The following PPME1 variants were observed in gnomAD, a reference collection of about 807,000 sequenced individuals.
PPME1 encodes the protein protein phosphatase methylesterase 1, also known as testicular secretory protein Li 39.
In PPME1, 17 loss-of-function variants were observed where a neutral mutation model predicts 56.9. That is an observed-to-expected ratio of 0.30 (90% CI 0.20 to 0.45). PPME1 has a LOEUF of 0.45. Ranked by LOEUF, PPME1 falls within the 20% of genes least tolerant of loss-of-function variation. The pLI, the probability that PPME1 is intolerant of heterozygous loss-of-function variation, is 1.00. For missense variants in PPME1, 357 were observed against 483.2 expected (o/e 0.74, Z 2.45); for synonymous variants, 122 against 156.2 (o/e 0.78, Z 1.63).
intron 1 of PPME1, among the ~76,000 whole-genome samples, chr11:74,192,193 A>G (rs1387987800): frequency 6.6e-6 from 1 of 152,064 alleles, no homozygotes; most frequent in Non-Finnish European, 1.5e-5. Flanking sequence ...GTCAAAAGAG[A>G]TTATTTTTGG....
In PPME1 at chr11:74,251,024, T is replaced by G. The variant is rs1417383376; in HGVS notation, c.1074+6T>G. On this transcript the variant is annotated splice_donor_region_variant and intron_variant, in intron 12 of 13. Coordinates refer to ENST00000328257, the MANE Select transcript of PPME1 (RefSeq NM_016147.3). ...ATGAGGATGCCCCTGACAAGGTGAG[T>G]CTGGTGCTCAGTGACTGTAAAAGGA... is the stretch of plus-strand genomic sequence containing the variant. 1.3e-6 allele frequency: 2 copies of G among 1,589,748 alleles called. No individual in the cohort carries two copies. The highest frequency in any genetic ancestry group is 1.7e-6 in the Non-Finnish European group (2 of 1,167,664).
intron 1 of PPME1, among the ~76,000 whole-genome samples, chr11:74,186,318 A>AGGG (rs1857681404): frequency 6.6e-6 from 1 of 152,136 alleles, no homozygotes; most frequent in African/African-American, 2.4e-5. Context: ...TCTTCTCCCA[A>AGGG]TCATTACTAT....
intron 1 of PPME1, chr11:74,198,697 C>T (rs1481585243): frequency 1.7e-5 from 1 of 58,948 alleles, no homozygotes; most frequent in South Asian, 8.8e-4. Context: ...AAGCAATCCT[C>T]CCCCCTTGAC....
intron 3 of PPME1, among the ~76,000 whole-genome samples, chr11:74,221,672 A>G (rs1008545342): frequency 6.6e-6 from 1 of 152,132 alleles, no homozygotes; most frequent in Non-Finnish European, 1.5e-5. Context: ...CCTAATTGTG[A>G]TATATTATTG....
chr11:74,171,442 C>A lies in PPME1; in HGVS notation c.21C>A (p.Ser7Arg), dbSNP rs1234947884. 6.2e-7 allele frequency: 1 copy of A among 1,612,832 alleles called. No homozygotes were observed. The highest frequency in any genetic ancestry group is 1.1e-5 in the South Asian group (1 of 90,762). The change falls in exon 1 of 14, where the codon AGC becomes AGA. Residue 7 changes from serine to arginine, a missense_variant. Around this residue, in one of 2 missense-constraint regions of PPME1, gnomAD observed 175 missense variants for 189.4 expected, o/e 0.92. Transcript: ENST00000328257. ...CCTCGATGTCGGCCCTCGAAAAGAG[C>A]ATGCACCTCGGCCGCCTTCCCTCTC... MSALEKSMHLGRLPSRP... is the reference protein window; with the variant it reads MSALEKRMHLGRLPSRP...
chr11:74,234,554 G>A (rs528346388), intron 7 of PPME1, among the ~76,000 whole-genome samples: 16 of 152,228 alleles, frequency 1.1e-4, no homozygotes, highest in African/African-American at 3.9e-4. Context: ...TAACTGTGTC[G>A]GATGCTGCAG....
At chr11:74,240,415 C>T (rs1029580786) in intron 9 of PPME1, among the ~76,000 whole-genome samples, 6 of 152,096 alleles carry the variant, frequency 3.9e-5, no homozygotes, top group Admixed American at 2.0e-4. Flanking sequence ...ACTTGCCAGG[C>T]AAGTAGTGGT....
chr11:74,220,860 A>G (rs1238338158), intron 3 of PPME1, among the ~76,000 whole-genome samples: 3 of 152,198 alleles, frequency 2.0e-5, no homozygotes, highest in African/African-American at 7.2e-5. Context: ...TGGAGTAGCT[A>G]CCATAGATCT....
At chr11:74,217,846 T>C (rs1353692946) in intron 3 of PPME1, among the ~76,000 whole-genome samples, 1 of 152,124 alleles carries the variant, frequency 6.6e-6, no homozygotes, top group African/African-American at 2.4e-5. Flanking sequence ...AAATGAAAAG[T>C]TGAAACCTTT....
chr11:74,199,280 G>A (rs1858081753), intron 1 of PPME1, among the ~76,000 whole-genome samples: 1 of 152,122 alleles, frequency 6.6e-6, no homozygotes, highest in Non-Finnish European at 1.5e-5. Flanking sequence ...CACTTCAGCT[G>A]TACTTCTTAG....
intron 3 of PPME1, among the ~76,000 whole-genome samples, chr11:74,220,875 T>C (rs1348395353): frequency 1.3e-5 from 2 of 152,198 alleles, no homozygotes; most frequent in East Asian, 3.8e-4. Context: ...AGATCTGCTC[T>C]GACTTTTTGA....
At chr11:74,231,084 G>C in intron 7 of PPME1, 82 bp downstream of exon 7, 1 of 1,191,288 alleles carries the variant, frequency 8.4e-7, no homozygotes, top group Non-Finnish European at 1.2e-6. Flanking sequence ...AGGAGACAAG[G>C]CCTCACTCTG....
chr11:74,242,244 CA>C (rs2135673910), intron 9 of PPME1, among the ~76,000 whole-genome samples: 1 of 152,270 alleles, frequency 6.6e-6, no homozygotes, highest in South Asian at 2.1e-4. Context: ...CCTTTTTCCC[CA>C]TTTAATTGTC....
intron 1 of PPME1, among the ~76,000 whole-genome samples, chr11:74,187,065 GTGTT>G (rs923517710): frequency 6.6e-6 from 1 of 152,152 alleles, no homozygotes; most frequent in Non-Finnish European, 1.5e-5. Context: ...ATAAATGTAT[GTGTT>G]TGTTTTTGAA....
At position 74,251,403 on chromosome 11, in the gene PPME1, A is replaced by G. The variant is rs991560716; in HGVS notation, c.1075-245A>G. 8.0e-6 allele frequency: 11 copies of G among 1,372,924 alleles called. No homozygotes were observed. In the African/African-American group the frequency reaches 1.6e-4, roughly 20 times the overall value. The allele number at this position is 1,372,924 out of a possible 1,614,324, so 85.0% of individuals were successfully genotyped here. A position where few individuals can be genotyped will look rare whatever the true frequency, so the allele number is the denominator to read the frequency against. The stretch of plus-strand genomic sequence containing the variant: ...GAGAAAACACCATTCTGTAACTCTG[A>G]GGGCACACATAAGCCCTTCACGTCA... On this transcript the variant is annotated intron_variant, in intron 12 of 13. Coordinates refer to ENST00000328257, the MANE Select transcript of PPME1 (RefSeq NM_016147.3).
intron 3 of PPME1, among the ~76,000 whole-genome samples, chr11:74,211,680 TA>T (rs1313190669): frequency 6.6e-6 from 1 of 152,060 alleles, no homozygotes; most frequent in Non-Finnish European, 1.5e-5. Flanking sequence ...ATGTGCTAGA[TA>T]AAAAATATTT....
In PPME1 at chr11:74,210,355, G is replaced by A. The variant is rs188445187; in HGVS notation, c.288+5910G>A. ...GATTATAAAATTCATACAGAAACTA[G>A]AAAATTGCATGAATATCATACTTAG... On this transcript the variant is annotated intron_variant, in intron 3 of 13. Coordinates refer to ENST00000328257, the MANE Select transcript of PPME1 (RefSeq NM_016147.3). 3.4e-3 allele frequency among the ~76,000 whole-genome samples: 522 copies of A among 152,286 alleles called. 1 individual carries two copies. Among genetic ancestry groups the A allele is most frequent in the Non-Finnish European group, 5.8e-3 (397 of 68,008 alleles).
At chr11:74,252,445 T>C (rs574555859) in intron 13 of PPME1, 2 of 455,562 alleles carry the variant, frequency 4.4e-6, no homozygotes, top group East Asian at 1.4e-4. Context: ...CATGGCCAGC[T>C]ACTAAGCAAG....
At chr11:74,233,456 G>T (rs1222856945) in intron 7 of PPME1, among the ~76,000 whole-genome samples, 1 of 152,040 alleles carries the variant, frequency 6.6e-6, no homozygotes, top group Non-Finnish European at 1.5e-5. Context: ...TAAGGCCAAT[G>T]ATTTACTGCT....
Sources: gnomAD v4.1 joint callset for allele counts (sites outside exome capture counted in the v4.1 genomes callset) on GRCh38, gnomAD v4.1.1 for gene constraint, gnomAD v4.1.1 regional missense constraint, MANE v1.5 for transcripts, NCBI Gene and HGNC (gene_info 2026-07-23, HGNC 2026-07-21) for gene names.